The following MTUS1 variants were observed in gnomAD, a reference collection of about 807,000 sequenced individuals.
MTUS1 encodes the protein microtubule-associated tumor suppressor 1.
MTUS1 carries 109 observed loss-of-function variants against 120.8 expected under a neutral mutation model. That is an observed-to-expected ratio of 0.90 (90% CI 0.77 to 1.06). The LOEUF (loss-of-function observed/expected upper bound fraction) is 1.06. Among genes scored for constraint, MTUS1 ranks in the 50% least tolerant of loss-of-function variants. The pLI is 0.00. For missense variants in MTUS1, 2,210 were observed against 1,486.3 expected (o/e 1.49, Z -8.01); for synonymous variants, 737 against 550.5 (o/e 1.34, Z -4.74).
intron 12 of MTUS1, among the ~76,000 whole-genome samples, chr8:17,651,194 G>C (rs1374315531): frequency 2.0e-5 from 3 of 151,880 alleles, no homozygotes; most frequent in African/African-American, 4.8e-5. Flanking sequence ...TGTATGGTGG[G>C]AGGTGGGGTG....
At chr8:17,660,331 C>G (rs1294316365) in intron 8 of MTUS1, among the ~76,000 whole-genome samples, 1 of 152,144 alleles carries the variant, frequency 6.6e-6, no homozygotes, top group Non-Finnish European at 1.5e-5. Flanking sequence ...CAAGATAACG[C>G]CACTGCACTC....
chr8:17,761,297 T>C (rs946592824), intron 1 of MTUS1, among the ~76,000 whole-genome samples: 5 of 152,196 alleles, frequency 3.3e-5, no homozygotes, highest in Non-Finnish European at 7.3e-5. Context: ...AAAATTCCAT[T>C]ATTTCTTCAT....
At chr8:17,767,100 A>C (rs553727213) in intron 1 of MTUS1, among the ~76,000 whole-genome samples, 4 of 151,952 alleles carry the variant, frequency 2.6e-5, no homozygotes, top group Admixed American at 2.6e-4. Context: ...GAATAATGAC[A>C]AATGGTTTTT....
intron 6 of MTUS1, among the ~76,000 whole-genome samples, chr8:17,711,325 A>T (rs764280947): frequency 1.2e-4 from 19 of 152,204 alleles, no homozygotes; most frequent in Non-Finnish European, 2.2e-4. Context: ...CCTTTATCAA[A>T]TGATCCCAGC....
In MTUS1 at chr8:17,765,320, C is replaced by T. The variant is rs577812434; in HGVS notation, c.-154-9359G>A. Among the ~76,000 whole-genome samples, 9 of 152,180 alleles carry T rather than the reference C, an allele frequency of 5.9e-5. No individual in the cohort carries two copies. The East Asian group carries it at 1.2e-3, about 20-fold the overall frequency. On this transcript the variant is annotated intron_variant, in intron 1 of 14. Transcript: ENST00000693296. ...CAGCCCAGGAATTGGGGAACCTTGC[C>T]GTGATGAATCAAAACTAGCTGTCAT...
chr8:17,654,813 G>C, intron 9 of MTUS1, 147 bp from the exon 10 acceptor site: 1 of 624,056 alleles, frequency 1.6e-6, no homozygotes, highest in South Asian at 1.9e-5. Flanking sequence ...ACAAAGGTCA[G>C]GGCAGTGGTT....
chr8:17,788,422 T>C (rs1449376304), intron 1 of MTUS1, among the ~76,000 whole-genome samples: 2 of 152,276 alleles, frequency 1.3e-5, no homozygotes, highest in East Asian at 3.9e-4. Context: ...CCTTAAATGT[T>C]GACGATAGCT....
At chr8:17,771,945 G>A (rs1055399912) in intron 1 of MTUS1, among the ~76,000 whole-genome samples, 3 of 152,154 alleles carry the variant, frequency 2.0e-5, no homozygotes, top group Non-Finnish European at 4.4e-5. Flanking sequence ...ACATTCTATG[G>A]ACAGAAACTT....
At chr8:17,686,027 G>A (rs985850955) in intron 6 of MTUS1, among the ~76,000 whole-genome samples, 3 of 152,196 alleles carry the variant, frequency 2.0e-5, no homozygotes, top group Non-Finnish European at 4.4e-5. Context: ...ATTCTTTCAT[G>A]TCATTTCCTA....
chr8:17,765,678 C>CCACACACACA (rs60406848), intron 1 of MTUS1, among the ~76,000 whole-genome samples: 5,580 of 130,058 alleles, frequency 0.043, 168 homozygotes, highest in Non-Finnish European at 0.053. Context: ...AATACAGACA[C>CCACACACACA]CACACACACA....
chr8:17,759,717 T>A (rs370501159), intron 1 of MTUS1, among the ~76,000 whole-genome samples: 1 of 150,410 alleles, frequency 6.6e-6, no homozygotes. Flanking sequence ...GTGGTCAGCA[T>A]TGTCTCTGAA....
chr8:17,744,432 A>T (rs1266019074), intron 2 of MTUS1, among the ~76,000 whole-genome samples: 2 of 151,808 alleles, frequency 1.3e-5, no homozygotes, highest in Non-Finnish European at 2.9e-5. Context: ...TAACTTCTTT[A>T]GTTTTTTGAC....
At chr8:17,777,446 G>C (rs946492142) in intron 1 of MTUS1, among the ~76,000 whole-genome samples, 1 of 115,622 alleles carries the variant, frequency 8.6e-6, no homozygotes, top group Non-Finnish European at 1.8e-5. Flanking sequence ...CTCAAAAAAA[G>C]AAAAAGAAAA....
chr8:17,722,654 A>G (rs747423495), intron 4 of MTUS1: 3 of 725,494 alleles, frequency 4.1e-6, no homozygotes, highest in Admixed American at 6.3e-5. Context: ...CCTTCTCTAC[A>G]AAAAATGCAT....
chr8:17,681,052 G>C (rs905813311), intron 7 of MTUS1, among the ~76,000 whole-genome samples: 2 of 151,962 alleles, frequency 1.3e-5, no homozygotes, highest in Admixed American at 6.6e-5. Flanking sequence ...TTCTACCTTA[G>C]CCTCCCGAGT....
intron 1 of MTUS1, among the ~76,000 whole-genome samples, chr8:17,779,729 T>G (rs2050723583): frequency 6.6e-6 from 1 of 152,244 alleles, no homozygotes; most frequent in South Asian, 2.1e-4. Flanking sequence ...ACTCACAGAC[T>G]TCTCTTTGGC....
Position 17,646,014 on chromosome 8 carries a change from G to C in MTUS1, c.3725C>G (p.Pro1242Arg). Residue 1242 changes from proline (P) to arginine (R), a missense_variant, in exon 15 of 15, where the codon CCC (proline) becomes CGC (arginine). Physicochemically the swap from Pro to Arg is moderately radical, Grantham distance 103. Coordinates refer to ENST00000693296, the MANE Select transcript of MTUS1 (RefSeq NM_001363059.2). ...WKLHNGDLCSPKRSPTSSAIP... is the reference protein window; with the variant it reads ...WKLHNGDLCSRKRSPTSSAIP... ...GGCGGAGGATGTGGGGGATCTCTTG[G>C]GGCTACACAGGTCCCCATTGTGCAG... is the stretch of plus-strand genomic sequence containing the variant. The C allele has an allele frequency of 1.2e-6, 2 of 1,613,578 alleles. No individual in the cohort carries two copies. Among genetic ancestry groups the C allele is most frequent in the Non-Finnish European group, 1.7e-6 (2 of 1,179,950 alleles).
At chr8:17,790,618 C>T (rs2036425) in intron 1 of MTUS1, among the ~76,000 whole-genome samples, 124,104 of 152,168 alleles carry the variant, frequency 0.82, 51,073 homozygotes, top group Non-Finnish European at 0.86. Context: ...TTCGGCTTTA[C>T]GTTCTGTGAT....
chr8:17,759,430 AT>A (rs1180534247), intron 1 of MTUS1, among the ~76,000 whole-genome samples: 1 of 151,462 alleles, frequency 6.6e-6, no homozygotes, highest in East Asian at 1.9e-4. Flanking sequence ...TGCCCAGCTA[AT>A]TTTTTTAAAA....
Sources: allele counts gnomAD v4.1 joint callset (sites outside exome capture counted in the v4.1 genomes callset), GRCh38; gene constraint gnomAD v4.1.1; transcripts MANE v1.5; gene names NCBI Gene and HGNC (gene_info 2026-07-23, HGNC 2026-07-21).